The following EXOC2 variants were observed in gnomAD, a reference collection of about 807,000 sequenced individuals.
EXOC2 encodes SEC5-like 1.
A neutral mutation model predicts 131.8 loss-of-function variants in EXOC2; 70 were observed. That is an observed-to-expected ratio of 0.53 (90% CI 0.44 to 0.65). The LOEUF (loss-of-function observed/expected upper bound fraction) is 0.65, where lower values mean the gene tolerates loss of function less well. Ranked by LOEUF, EXOC2 falls within the 30% of genes least tolerant of loss-of-function variation. EXOC2 has a pLI of 0.00. For missense variants in EXOC2, 923 were observed against 1,108.6 expected, an observed-to-expected ratio of 0.83 and a Z score of 2.38; for synonymous variants, 411 against 398.4, an observed-to-expected ratio of 1.03 and a Z score of -0.38.
intron 25 of EXOC2, among the ~76,000 whole-genome samples, chr6:496,917 TTATG>T (rs1309725678): frequency 6.6e-6 from 1 of 152,118 alleles, no homozygotes; most frequent in Non-Finnish European, 1.5e-5. Flanking sequence ...TACCAGCTGG[TTATG>T]TGCATGCCAA....
intron 23 of EXOC2, among the ~76,000 whole-genome samples, chr6:501,261 C>CA (rs1450218458): frequency 4.0e-4 from 1 of 2,472 alleles, no homozygotes; most frequent in Non-Finnish European, 8.3e-4. Flanking sequence ...TTATATATAT[C>CA]TATATATTAT....
chr6:650,209 T>A (rs1397183560), intron 1 of EXOC2, among the ~76,000 whole-genome samples: 1 of 152,252 alleles, frequency 6.6e-6, no homozygotes, highest in East Asian at 1.9e-4. Flanking sequence ...GAAACATTTA[T>A]GAACAGTCTG....
chr6:555,171 C>T, intron 20 of EXOC2, 56 bp downstream of exon 20: 1 of 1,023,698 alleles, frequency 9.8e-7, no homozygotes, highest in Non-Finnish European at 1.4e-6. Context: ...AAAACTTGAG[C>T]CTGTATTTTT....
rs375813686 is a variant in EXOC2 at position 587,061 on chromosome 6, A to G, written c.1192+5408T>C. 2.5e-4 allele frequency among the ~76,000 whole-genome samples: 38 copies of G among 152,350 alleles called. No homozygotes were observed. The East Asian group carries it at 3.7e-3, about 15-fold the overall frequency. On this transcript the variant is annotated intron_variant, in intron 11 of 27. Coordinates refer to ENST00000230449, the MANE Select transcript of EXOC2 (RefSeq NM_018303.6). The stretch of plus-strand genomic sequence containing the variant: ...ATATTACCTTACATTTATATTATAT[A>G]TAATTAGGACAATAATAAAACATCC...
At chr6:496,276 A>C (rs922089484) in intron 25 of EXOC2, among the ~76,000 whole-genome samples, 1 of 152,222 alleles carries the variant, frequency 6.6e-6, no homozygotes, top group Non-Finnish European at 1.5e-5. Flanking sequence ...ATTCAATTAA[A>C]TTTGCATCCC....
rs149787708 is a variant in EXOC2, at chr6:580,751, A to G, written c.1193-3869T>C. The stretch of plus-strand genomic sequence containing the variant: ...AAAGATTAGGGCTTTATACTATGCA[A>G]TTCTAAAAGTCTTTTTAGCTATAAA... On this transcript the variant is annotated intron_variant, in intron 11 of 27. Coordinates refer to ENST00000230449, the MANE Select transcript of EXOC2 (RefSeq NM_018303.6). 2.6e-5 allele frequency among the ~76,000 whole-genome samples: 4 copies of G among 152,258 alleles called. No individual in the cohort carries two copies. The East Asian group carries it at 7.7e-4, about 29-fold the overall frequency.
rs544451756 is a variant in EXOC2 at position 689,113 on chromosome 6, C to G, written c.-44+3906G>C. 230 of 152,336 alleles carry G rather than the reference C, an allele frequency of 1.5e-3. 4 individuals are homozygous for G. The highest frequency in any genetic ancestry group is 4.1e-4 in the Non-Finnish European group (28 of 68,038). 9.4% of individuals were successfully genotyped at this position (152,336 alleles called of 1,614,324 possible). On this transcript the variant is annotated intron_variant, in intron 1 of 27. Transcript: ENST00000230449. ...TGTGCCGGGCACTAGTCTTGAAGCT[C>G]TCTGGATCCACCCTGAGCAGCTCAC...
At chr6:675,905 T>G (rs371173967) in intron 1 of EXOC2, among the ~76,000 whole-genome samples, 192 of 48,686 alleles carry the variant, frequency 3.9e-3, no homozygotes, top group Middle Eastern at 0.037. Context: ...GAAAGGACAG[T>G]TTCCTCTGGA....
At chr6:535,060 T>G (rs369077948) in intron 22 of EXOC2, among the ~76,000 whole-genome samples, 3 of 152,306 alleles carry the variant, frequency 2.0e-5, no homozygotes, top group East Asian at 3.9e-4. Context: ...ATCACTGCTC[T>G]AATTTTCTGC....
chr6:632,722 G>A (rs758573606), intron 3 of EXOC2, among the ~76,000 whole-genome samples: 3 of 152,248 alleles, frequency 2.0e-5, no homozygotes, highest in South Asian at 2.1e-4. Context: ...TCATACGACC[G>A]TCATCCTTAG....
chr6:618,919 G>C (rs1735576269), intron 5 of EXOC2, among the ~76,000 whole-genome samples: 1 of 152,154 alleles, frequency 6.6e-6, no homozygotes, highest in African/African-American at 2.4e-5. Flanking sequence ...CTCTTGTACA[G>C]AGTAAAATGT....
intron 23 of EXOC2, among the ~76,000 whole-genome samples, chr6:517,141 G>A (rs1217796583): frequency 6.6e-6 from 1 of 152,148 alleles, no homozygotes; most frequent in African/African-American, 2.4e-5. Context: ...AGACAGGGTG[G>A]ACAGAGACAC....
At chr6:656,954 G>T in intron 1 of EXOC2, 2 of 1,510,986 alleles carry the variant, frequency 1.3e-6, no homozygotes, top group South Asian at 2.6e-5. Flanking sequence ...TGATGCCACA[G>T]GGAAGGCAGC....
At chr6:525,331 G>A (rs1765683392) in intron 23 of EXOC2, 1 of 152,130 alleles carries the variant, frequency 6.6e-6, no homozygotes, top group Non-Finnish European at 1.5e-5. Context: ...TACCCAAAGT[G>A]GAATTTATTC....
chr6:648,298 A>C (rs559398721), intron 1 of EXOC2, among the ~76,000 whole-genome samples: 1 of 152,204 alleles, frequency 6.6e-6, no homozygotes, highest in Non-Finnish European at 1.5e-5. Context: ...TAATGCTCTT[A>C]TGTTTAAAAT....
chr6:509,682 T>G (rs1764741596), intron 23 of EXOC2, among the ~76,000 whole-genome samples: 1 of 152,224 alleles, frequency 6.6e-6, no homozygotes, highest in Non-Finnish European at 1.5e-5. Flanking sequence ...GTAATTACAA[T>G]AAACAACTGC....
intron 11 of EXOC2, among the ~76,000 whole-genome samples, chr6:580,142 A>G (rs1758810199): frequency 6.6e-6 from 1 of 152,154 alleles, no homozygotes; most frequent in Middle Eastern, 3.4e-3. Flanking sequence ...CCTGGGTTCA[A>G]GCGATTCTCT....
chr6:574,709 T>C (rs899635196), intron 12 of EXOC2, among the ~76,000 whole-genome samples: 5 of 152,256 alleles, frequency 3.3e-5, no homozygotes, highest in African/African-American at 1.2e-4. Flanking sequence ...GTGCTTATCA[T>C]GTGGCTCCAC....
intron 23 of EXOC2, among the ~76,000 whole-genome samples, chr6:504,697 C>G (rs1326043765): frequency 6.6e-6 from 1 of 152,184 alleles, no homozygotes; most frequent in Non-Finnish European, 1.5e-5. Flanking sequence ...GCGAAACAGA[C>G]AGATCACGAG....
Sources: allele counts gnomAD v4.1 joint callset (sites outside exome capture counted in the v4.1 genomes callset), GRCh38; gene constraint gnomAD v4.1.1; transcripts MANE v1.5; gene names NCBI Gene and HGNC (gene_info 2026-07-23, HGNC 2026-07-21).